NTRK1: variants seen among roughly 807,000 people sequenced by gnomAD.
The protein encoded by NTRK1 is neurotrophic receptor tyrosine kinase 1, also known as high affinity nerve growth factor receptor.
Under a neutral mutation model 86.8 loss-of-function variants are expected in NTRK1, and 62 were observed. That is an observed-to-expected ratio of 0.71 (90% CI 0.58 to 0.88). The LOEUF (loss-of-function observed/expected upper bound fraction) is 0.88. Among genes scored for constraint, NTRK1 ranks in the 40% least tolerant of loss-of-function variants. The pLI is 0.00. For synonymous variants in NTRK1, 469 were observed against 456.6 expected (o/e 1.03, Z -0.35); for missense variants, 967 against 1,078.4 (o/e 0.90, Z 1.45).
Position 156,848,802 on chromosome 1 carries a change from G to A in NTRK1, c.50+6609G>A, listed in dbSNP as rs1045911215. 8.8e-6 allele frequency: 11 copies of A among 1,245,674 alleles called. No individual in the cohort carries two copies. The East Asian group carries it at 1.0e-4, about 12-fold the overall frequency. 77.2% of individuals were successfully genotyped at this position (1,245,674 alleles called of 1,614,324 possible). On this transcript the variant is annotated intron_variant, in intron 2 of 16. Transcript: ENST00000392302. Reference sequence around the variant, plus strand: ...GCCCTACCACGGAGTACAACTTGCGGGTCCTGGCTTCCTGGGTCTTCATAG... The same window carrying A: ...GCCCTACCACGGAGTACAACTTGCGAGTCCTGGCTTCCTGGGTCTTCATAG...
rs760171782 is a variant in NTRK1 at position 156,879,233 on chromosome 1, G to A, written c.1917G>A (p.Val639=). The A allele has an allele frequency of 4.3e-6, 7 of 1,614,150 alleles. No homozygotes were observed. The South Asian group carries it at 4.4e-5, about 10-fold the overall frequency. ...AVASQVAAGM[V]YLAGLHFVHR... Reference sequence around the variant, plus strand: ...CTAGCCAGGTCGCTGCGGGGATGGTGTACCTGGCGGGTCTGCATTTTGTGC... The same window carrying A: ...CTAGCCAGGTCGCTGCGGGGATGGTATACCTGGCGGGTCTGCATTTTGTGC... Residue 639 remains valine, a synonymous_variant, in exon 15 of 17, where the codon GTG becomes GTA. Coordinates refer to ENST00000524377, the MANE Select transcript of NTRK1 (RefSeq NM_002529.4).
rs2102915581 is a variant in NTRK1 at position 156,875,600 on chromosome 1, A to C, written c.1435A>C (p.Thr479Pro). 6.2e-7 allele frequency: 1 copy of C among 1,613,844 alleles called. No individual in the cohort carries two copies. Among genetic ancestry groups the C allele is most frequent in the Non-Finnish European group, 8.5e-7 (1 of 1,179,970 alleles). ...MTLGGSSLSP[T>P]EGKGSGLQGH... ...ATTGGGTGGCAGCTCCCTGTCCCCC[A>C]CCGAGGGCAAAGGCTCTGGGCTCCA... The change falls in exon 12 of 17, where the codon ACC becomes CCC. Residue 479 changes from threonine to proline, a missense_variant. Transcript: ENST00000524377.
At chr1:156,829,320 A>T (rs1654404354) in intron 1 of NTRK1, among the ~76,000 whole-genome samples, 1 of 152,172 alleles carries the variant, frequency 6.6e-6, no homozygotes, top group Non-Finnish European at 1.5e-5. Flanking sequence ...CAGCACAGCC[A>T]CAGAACAAGG....
intron 1 of NTRK1, chr1:156,841,758 T>A: frequency 6.2e-7 from 1 of 1,614,076 alleles, no homozygotes; most frequent in Non-Finnish European, 8.5e-7. Flanking sequence ...CTTGCGGTAA[T>A]AGTCTGTCTC....
At chr1:156,881,401 C>T (rs2102930210) in intron 16 of NTRK1, 56 bp from the exon 17 acceptor site, 1 of 1,531,598 alleles carries the variant, frequency 6.5e-7, no homozygotes, top group South Asian at 1.2e-5. Flanking sequence ...GGACTGGCCT[C>T]ACTCTCTTGC....
At chr1:156,824,177 AT>A (rs1321797690) in intron 1 of NTRK1, among the ~76,000 whole-genome samples, 1 of 152,130 alleles carries the variant, frequency 6.6e-6, no homozygotes, top group Non-Finnish European at 1.5e-5. Flanking sequence ...TAGTCAGTGT[AT>A]ATTCTTACCC....
At chr1:156,853,996 A>G in intron 2 of NTRK1, 1 of 1,613,674 alleles carries the variant, frequency 6.2e-7, no homozygotes, top group Non-Finnish European at 8.5e-7. Flanking sequence ...GCACGGCCCC[A>G]AGTGCAGGCA....
At chr1:156,842,660 C>T in intron 2 of NTRK1, 1 of 642,096 alleles carries the variant, frequency 1.6e-6, no homozygotes, top group Non-Finnish European at 2.8e-6. Context: ...CTAACAATGA[C>T]CCTGACCCTA....
chr1:156,843,166 G>C (rs143929424), intron 2 of NTRK1: 11 of 1,613,958 alleles, frequency 6.8e-6, no homozygotes, highest in Middle Eastern at 1.6e-4. Flanking sequence ...TCCCAAAAGA[G>C]CCCTGGCCCA....
chr1:156,817,972 T>C (rs911355755), intron 1 of NTRK1, among the ~76,000 whole-genome samples: 2 of 152,176 alleles, frequency 1.3e-5, no homozygotes, highest in Admixed American at 6.5e-5. Context: ...TCAATGTGCT[T>C]AGACTTCCCA....
Position 156,876,550 on chromosome 1 carries a change from G to A in NTRK1, c.1783G>A (p.Gly595Arg), listed in dbSNP as rs746049437. Residue 595 changes from glycine to arginine, a missense_variant, in exon 14 of 17, where the codon GGG becomes AGG. By Grantham distance (125) the Gly-to-Arg change is moderately radical (BLOSUM62 -2). Coordinates refer to ENST00000524377, the MANE Select transcript of NTRK1 (RefSeq NM_002529.4). ...LLMVFEYMRH[G>R]DLNRFLRSHG... ...CATGGTCTTTGAGTATATGCGGCAC[G>A]GGGACCTCAACCGCTTCCTCCGGTA... 8 of 1,612,810 alleles carry A rather than the reference G, an allele frequency of 5.0e-6. No individual in the cohort carries two copies. The highest frequency in any genetic ancestry group is 3.3e-5 in the Admixed American group (2 of 59,972).
Position 156,860,917 on chromosome 1 carries a change from G to A in NTRK1, c.-18G>A, listed in dbSNP as rs537412353. 2.8e-6 allele frequency: 4 copies of A among 1,430,164 alleles called. No homozygotes were observed. Among genetic ancestry groups the A allele is most frequent in the South Asian group, 1.5e-5 (1 of 66,156 alleles). 88.6% of individuals were successfully genotyped at this position (1,430,164 alleles called of 1,614,324 possible). ...GCACAGACGGCTGCCCCGCCTGAGC[G>A]AGGCGGGCGCCGCCGCGATGCTGCG... On this transcript the variant is annotated 5_prime_UTR_variant, in exon 1 of 17. Coordinates refer to ENST00000524377, the MANE Select transcript of NTRK1 (RefSeq NM_002529.4).
chr1:156,865,796 T>C (rs6677720), intron 3 of NTRK1, among the ~76,000 whole-genome samples: 21,099 of 152,088 alleles, frequency 0.14, 3,632 homozygotes, highest in African/African-American at 0.41. Flanking sequence ...TGTCCCCCAA[T>C]ATGAGCAGGC....
chr1:156,872,883 T>C (rs1647642072), intron 7 of NTRK1, among the ~76,000 whole-genome samples: 1 of 152,074 alleles, frequency 6.6e-6, no homozygotes, highest in Admixed American at 6.5e-5. Flanking sequence ...TTCACCGTGT[T>C]AGCCAGGATG....
chr1:156,868,471 C>T (rs1487274433), intron 5 of NTRK1, 34 bp from the exon 6 acceptor site: 4 of 1,552,072 alleles, frequency 2.6e-6, no homozygotes, highest in South Asian at 1.2e-5. Flanking sequence ...CCAGCTCTAA[C>T]ACCCCTTGGC....
intron 10 of NTRK1, 119 bp downstream of exon 10, chr1:156,874,745 C>T (rs951172864): frequency 2.7e-5 from 34 of 1,249,590 alleles, no homozygotes; most frequent in Admixed American, 2.1e-4. Flanking sequence ...TGAGCTCTGA[C>T]GGCCACCCGC....
upstream of NTRK1, chr1:156,858,583 C>G: frequency 6.2e-7 from 1 of 1,614,072 alleles, no homozygotes. Context: ...AGATCACAGG[C>G]AGGCATGCTC....
intron 1 of NTRK1, chr1:156,840,572 C>G (rs1036048539): frequency 2.3e-6 from 1 of 438,782 alleles, no homozygotes; most frequent in Non-Finnish European, 4.2e-6. Flanking sequence ...GGCGGGCCCC[C>G]TCTTCCTAGT....
intron 1 of NTRK1, chr1:156,816,125 C>T (rs1020105887): frequency 6.3e-7 from 1 of 1,595,142 alleles, no homozygotes; most frequent in Non-Finnish European, 8.5e-7. Context: ...GCCGGGGTTT[C>T]TCAGAGAGGA....
Sources: gnomAD v4.1 joint callset for allele counts (sites outside exome capture counted in the v4.1 genomes callset) on GRCh38, gnomAD v4.1.1 for gene constraint, MANE v1.5 for transcripts, NCBI Gene and HGNC (gene_info 2026-07-23, HGNC 2026-07-21) for gene names.